Variants in CAMK1D observed in about 807,000 individuals in gnomAD.
CAMK1D encodes calcium/calmodulin dependent protein kinase ID, also known as calcium/calmodulin-dependent protein kinase type 1D.
A neutral mutation model predicts 47.7 loss-of-function variants in CAMK1D; 9 were observed. The ratio of observed to expected loss-of-function variants is 0.19; its 90% CI spans 0.11 to 0.33. CAMK1D has a LOEUF of 0.33. Ranked by LOEUF, CAMK1D falls within the 10% of genes least tolerant of loss-of-function variation. The pLI, the probability that CAMK1D is intolerant of heterozygous loss-of-function variation, is 1.00. For synonymous variants in CAMK1D, 184 were observed against 184.9 expected, an observed-to-expected ratio of 0.99 and a Z score of 0.04; for missense variants, 291 against 488.7, an observed-to-expected ratio of 0.60 and a Z score of 3.81.
In CAMK1D at chr10:12,830,952, C is replaced by CACACACAG. The variant is rs1833408778; in HGVS notation, c.*2072_*2073insGACACACA. Reference sequence around the variant, plus strand: ...ACACACACACACACACACACACACACACACACACACACAATGTTATTAGGC... The same window carrying CACACACAG: ...ACACACACACACACACACACACACACACACACAGACACACACACACAATGTTATTAGGC... On this transcript the variant is annotated 3_prime_UTR_variant, in exon 11 of 11. Coordinates refer to ENST00000619168, the MANE Select transcript of CAMK1D (RefSeq NM_153498.4). The CACACACAG allele has an allele frequency of 6.7e-6, 1 of 150,350 alleles. No homozygotes were observed. The highest frequency in any genetic ancestry group is 6.6e-5 in the Admixed American group (1 of 15,082). 9.3% of individuals were successfully genotyped at this position (150,350 alleles called of 1,614,324 possible).
At chr10:12,369,927 G>A (rs1349166515) in intron 1 of CAMK1D, among the ~76,000 whole-genome samples, 1 of 150,522 alleles carries the variant, frequency 6.6e-6, no homozygotes, top group African/African-American at 2.4e-5. Flanking sequence ...TTGCACTCCA[G>A]TCTGAGTAAC....
intron 2 of CAMK1D, among the ~76,000 whole-genome samples, chr10:12,604,450 G>A (rs1011520818): frequency 4.6e-5 from 7 of 152,188 alleles, no homozygotes; most frequent in African/African-American, 1.7e-4. Flanking sequence ...GGCCGTGTTG[G>A]CCCTTGGGAA....
intron 3 of CAMK1D, among the ~76,000 whole-genome samples, chr10:12,680,130 G>A (rs1686414975): frequency 6.6e-6 from 1 of 152,208 alleles, no homozygotes; most frequent in South Asian, 2.1e-4. Context: ...GGAGAGATGA[G>A]GCTAGAGGTG....
intron 1 of CAMK1D, among the ~76,000 whole-genome samples, chr10:12,531,813 GA>G (rs1275340983): frequency 6.6e-6 from 1 of 152,236 alleles, no homozygotes; most frequent in African/African-American, 2.4e-5. Context: ...GTCACAAACT[GA>G]AAAATTGCTT....
chr10:12,823,293 C>T (rs1315664400), intron 8 of CAMK1D, among the ~76,000 whole-genome samples: 1 of 152,146 alleles, frequency 6.6e-6, no homozygotes, highest in Non-Finnish European at 1.5e-5. Flanking sequence ...ACTCTGATCC[C>T]CTTAACTTCT....
chr10:12,417,782 T>C (rs1449855336), intron 1 of CAMK1D, among the ~76,000 whole-genome samples: 3 of 151,576 alleles, frequency 2.0e-5, no homozygotes. Flanking sequence ...CTATGCTCTT[T>C]ATAACAGTAA....
chr10:12,805,852 G>A (rs1838705000), intron 6 of CAMK1D, among the ~76,000 whole-genome samples: 2 of 152,204 alleles, frequency 1.3e-5, no homozygotes. Context: ...TACTGGTATA[G>A]GACCAGGGTT....
intron 2 of CAMK1D, among the ~76,000 whole-genome samples, chr10:12,652,183 A>G (rs1194314014): frequency 6.6e-6 from 1 of 152,130 alleles, no homozygotes; most frequent in African/African-American, 2.4e-5. Context: ...TCACTTTTGA[A>G]TTGTTGATTA....
intron 2 of CAMK1D, among the ~76,000 whole-genome samples, chr10:12,657,427 A>AAAATAAAT (rs10524598): frequency 0.012 from 1,756 of 146,802 alleles, 25 homozygotes; most frequent in African/African-American, 0.03. Flanking sequence ...CTGTCTCATA[A>AAAATAAAT]AAATAAATAA....
chr10:12,391,114 G>A (rs1266428176), intron 1 of CAMK1D, among the ~76,000 whole-genome samples: 1 of 152,114 alleles, frequency 6.6e-6, no homozygotes, highest in Admixed American at 6.6e-5. Flanking sequence ...TGATACGTTG[G>A]TATCTCAGTC....
chr10:12,704,569 AAAAG>A (rs1833659293), intron 3 of CAMK1D, among the ~76,000 whole-genome samples: 1 of 151,992 alleles, frequency 6.6e-6, no homozygotes, highest in African/African-American at 2.4e-5. Context: ...AGGAAAAAAA[AAAAG>A]AAAGATTACC....
At position 12,801,354 on chromosome 10, in the gene CAMK1D, T is replaced by TATCTATCTTATCTATCTATC. The variant is rs57429397; in HGVS notation, c.641+10121_641+10122insATCTATCTTATCTATCTATC. On this transcript the variant is annotated intron_variant, in intron 6 of 10. Transcript: ENST00000619168. ...CTATCTATCTATCTATCTATCTATC[T>TATCTATCTTATCTATCTATC]TATCTATCTATCTATCTATCTATCT... Among the ~76,000 whole-genome samples the TATCTATCTTATCTATCTATC allele has an allele frequency of 9.5e-3, 632 of 66,302 alleles. 12 individuals are homozygous for TATCTATCTTATCTATCTATC. Among genetic ancestry groups the TATCTATCTTATCTATCTATC allele is most frequent in the East Asian group, 0.022 (44 of 1,986 alleles). The allele number at this position is 66,302 out of a possible 152,430, so 43.5% of individuals were successfully genotyped here.
Position 12,510,317 on chromosome 10 carries a change from G to A in CAMK1D, c.93-42908G>A, listed in dbSNP as rs185209306. On this transcript the variant is annotated intron_variant, in intron 1 of 10. Transcript: ENST00000619168. The stretch of plus-strand genomic sequence containing the variant: ...TGTAATCCGAGTTACTTGGGAGGCC[G>A]TGGCAGGAGAATTGCTTGAACCCAG... 2.6e-5 allele frequency among the ~76,000 whole-genome samples: 4 copies of A among 152,292 alleles called. No homozygotes were observed. In the East Asian group the frequency reaches 5.8e-4, roughly 22 times the overall value.
At chr10:12,748,399 G>A (rs182662469) in intron 3 of CAMK1D, among the ~76,000 whole-genome samples, 1 of 152,318 alleles carries the variant, frequency 6.6e-6, no homozygotes, top group Admixed American at 6.5e-5. Flanking sequence ...CTGGAGGGAT[G>A]CCGAGGGTCT....
At chr10:12,814,366 A>C in intron 7 of CAMK1D, 59 bp downstream of exon 7, 1 of 1,087,186 alleles carries the variant, frequency 9.2e-7, no homozygotes, top group Non-Finnish European at 1.4e-6. Context: ...CACCCAGACC[A>C]CGTGACCCTG....
chr10:12,610,010 C>T (rs1305859395), intron 2 of CAMK1D, among the ~76,000 whole-genome samples: 2 of 152,084 alleles, frequency 1.3e-5, no homozygotes, highest in East Asian at 3.9e-4. Flanking sequence ...GAGAAACAGC[C>T]CAGTAGTGTG....
chr10:12,395,875 C>T (rs575365860), intron 1 of CAMK1D, among the ~76,000 whole-genome samples: 2 of 151,744 alleles, frequency 1.3e-5, no homozygotes, highest in Non-Finnish European at 2.9e-5. Flanking sequence ...TGCTGTGGGC[C>T]GTGATTGCAC....
intron 2 of CAMK1D, among the ~76,000 whole-genome samples, chr10:12,594,990 A>T (rs954355399): frequency 6.6e-6 from 1 of 152,174 alleles, no homozygotes; most frequent in Non-Finnish European, 1.5e-5. Flanking sequence ...GACACTGACA[A>T]TGAAAGGCGG....
At chr10:12,529,498 A>G (rs1376076822) in intron 1 of CAMK1D, among the ~76,000 whole-genome samples, 2 of 152,218 alleles carry the variant, frequency 1.3e-5, no homozygotes, top group Non-Finnish European at 2.9e-5. Flanking sequence ...AATTGGGACA[A>G]AGGGGCTACC....
Sources: allele counts gnomAD v4.1 joint callset (sites outside exome capture counted in the v4.1 genomes callset), GRCh38; gene constraint gnomAD v4.1.1; transcripts MANE v1.5; gene names NCBI Gene and HGNC (gene_info 2026-07-23, HGNC 2026-07-21).